The following NIN variants were observed in gnomAD, a reference collection of about 807,000 sequenced individuals.
NIN encodes glycogen synthase kinase 3 beta-interacting protein.
NIN carries 137 observed loss-of-function variants against 257.6 expected under a neutral mutation model. The ratio of observed to expected loss-of-function variants is 0.53; its 90% CI spans 0.46 to 0.61. NIN has a LOEUF of 0.61. Ranked by LOEUF, NIN falls within the 20% of genes least tolerant of loss-of-function variation. The pLI is 0.00. For synonymous variants in NIN, 918 were observed against 919.8 expected, an observed-to-expected ratio of 1.00 and a Z score of 0.04; for missense variants, 2,439 against 2,501.2, an observed-to-expected ratio of 0.98 and a Z score of 0.53.
chr14:50,808,029 T>G (rs911630792), intron 3 of NIN, among the ~76,000 whole-genome samples: 1 of 152,182 alleles, frequency 6.6e-6, no homozygotes, highest in South Asian at 2.1e-4. Flanking sequence ...GTGAAATAAT[T>G]ATCACATTCA....
At chr14:50,796,090 C>A (rs2043825812) in intron 4 of NIN, among the ~76,000 whole-genome samples, 4 of 152,226 alleles carry the variant, frequency 2.6e-5, no homozygotes, top group African/African-American at 9.6e-5. Flanking sequence ...ATTTATGATT[C>A]TCCCTGGATT....
Position 50,735,578 on chromosome 14 carries a change from T to C in NIN, c.5815A>G (p.Ile1939Val). Residue 1939 changes from isoleucine to valine, a missense_variant, in exon 28 of 31, where the codon ATT (isoleucine) becomes GTT (valine). This residue lies in a region of NIN where 2,043 missense variants were observed against 2,050.2 expected (regional missense o/e 1.00). Transcript: ENST00000530997. ...TTCAGGCCTTCATTTTCCAAATGAA[T>C]TGTTTCTAATTCTTGTTCAAGGGAA... The part of the protein sequence containing the change: ...MNSLEQELET[I>V]HLENEGLKKK... 6.2e-7 allele frequency: 1 copy of C among 1,612,702 alleles called. No individual in the cohort carries two copies. Among genetic ancestry groups the C allele is most frequent in the Admixed American group, 1.7e-5 (1 of 60,030 alleles).
intron 3 of NIN, among the ~76,000 whole-genome samples, chr14:50,808,697 G>C (rs139088592): frequency 6.6e-6 from 1 of 152,166 alleles, no homozygotes; most frequent in African/African-American, 2.4e-5. Flanking sequence ...CCTGTGCCAC[G>C]ATGCTCATAG....
chr14:50,761,402 GAAGTCTGGACTGGAAAC>G (rs1475433226), intron 16 of NIN, among the ~76,000 whole-genome samples: 38 of 152,212 alleles, frequency 2.5e-4, no homozygotes, highest in Non-Finnish European at 2.9e-5. Context: ...ACGGTCAGTT[GAAGTCTGGACTGGAAAC>G]GTCAGTTGAA....
rs746268764 is a variant in NIN, at chr14:50,727,674, A to G, written c.6079-1608T>C. ...TCTGCCATGGTAAGAAATGCCATCA[A>G]TAGCAGCCCAGTTTTCACAGGTGCC... On this transcript the variant is annotated intron_variant, in intron 29 of 30. Coordinates refer to ENST00000530997, the MANE Select transcript of NIN (RefSeq NM_020921.4). 3.5e-6 allele frequency: 5 copies of G among 1,441,728 alleles called. No individual in the cohort carries two copies. The South Asian group carries it at 4.5e-5, about 13-fold the overall frequency. The allele number at this position is 1,441,728 out of a possible 1,614,324, so 89.3% of individuals were successfully genotyped here. A position where few individuals can be genotyped will look rare whatever the true frequency, so the allele number is the denominator to read the frequency against.
chr14:50,723,740 C>A, intron 30 of NIN, 68 bp from the exon 31 acceptor site: 1 of 1,337,418 alleles, frequency 7.5e-7, no homozygotes, highest in Admixed American at 1.8e-5. Flanking sequence ...AGTTTAAGGT[C>A]TGACATAAGG....
intron 28 of NIN, among the ~76,000 whole-genome samples, chr14:50,733,224 C>T (rs1046952057): frequency 6.6e-6 from 1 of 152,130 alleles, no homozygotes; most frequent in Admixed American, 6.6e-5. Flanking sequence ...TCCTGAGTAG[C>T]TGGGATTACA....
chr14:50,733,800 C>A (rs1404829618), intron 28 of NIN, among the ~76,000 whole-genome samples: 1 of 152,136 alleles, frequency 6.6e-6, no homozygotes, highest in African/African-American at 2.4e-5. Flanking sequence ...CATCTAAGTA[C>A]AGCCCACAGC....
intron 2 of NIN, among the ~76,000 whole-genome samples, chr14:50,828,085 G>A (rs1440454423): frequency 1.4e-5 from 2 of 144,382 alleles, no homozygotes; most frequent in African/African-American, 2.6e-5. Flanking sequence ...GCAGAAAACA[G>A]AGCTGCATGT....
intron 13 of NIN, 144 bp from the exon 14 acceptor site, chr14:50,766,540 G>A: frequency 1.4e-6 from 1 of 733,226 alleles, no homozygotes. Flanking sequence ...CACCAACTGG[G>A]TGATGGGGAG....
intron 21 of NIN, 111 bp downstream of exon 21, chr14:50,752,407 C>T (rs1013519397): frequency 2.6e-6 from 2 of 781,788 alleles, no homozygotes; most frequent in East Asian, 5.0e-5. Flanking sequence ...TGTGCCAGGA[C>T]CATACTGTTT....
At chr14:50,734,833 C>T (rs1420533737) in intron 28 of NIN, among the ~76,000 whole-genome samples, 2 of 151,478 alleles carry the variant, frequency 1.3e-5, no homozygotes, top group Non-Finnish European at 2.9e-5. Context: ...CGTGCCACCA[C>T]ACCTGGCTAA....
At chr14:50,754,497 T>A in intron 20 of NIN, 66 bp downstream of exon 20, 1 of 1,322,686 alleles carries the variant, frequency 7.6e-7, no homozygotes, top group Non-Finnish European at 1.1e-6. Context: ...TGTAAATTTA[T>A]AAATTTCAAA....
intron 5 of NIN, among the ~76,000 whole-genome samples, chr14:50,785,212 G>C (rs1466526924): frequency 6.6e-6 from 1 of 152,278 alleles, no homozygotes; most frequent in Non-Finnish European, 1.5e-5. Context: ...GGACTGCAGA[G>C]CAGATGGCCA....
chr14:50,737,812 T>C (rs1289286730), intron 27 of NIN, among the ~76,000 whole-genome samples: 1 of 151,974 alleles, frequency 6.6e-6, no homozygotes, highest in East Asian at 1.9e-4. Flanking sequence ...GCCTGGCTAA[T>C]TTTTGTGTTT....
Position 50,722,494 on chromosome 14 carries a change from G to C in NIN, c.*969C>G, listed in dbSNP as rs1222626972. The C allele has an allele frequency of 4.8e-6, 1 of 210,014 alleles. No homozygotes were observed. The highest frequency in any genetic ancestry group is 2.3e-5 in the African/African-American group (1 of 44,028). The allele number at this position is 210,014 out of a possible 1,614,324, so 13.0% of individuals were successfully genotyped here. ...TAAGACAAATAAATGAGGTCACATGGTTTATACATTTCAAATTCTTAGAGA... is the reference window on the plus strand; with the variant it reads ...TAAGACAAATAAATGAGGTCACATGCTTTATACATTTCAAATTCTTAGAGA... On this transcript the variant is annotated 3_prime_UTR_variant, in exon 31 of 31. Coordinates refer to ENST00000530997, the MANE Select transcript of NIN (RefSeq NM_020921.4).
chr14:50,777,497 T>A (rs2042968647), intron 6 of NIN, among the ~76,000 whole-genome samples: 1 of 152,258 alleles, frequency 6.6e-6, no homozygotes. Context: ...TCGAGAACTC[T>A]GTAAGCTCTA....
chr14:50,758,507 G>C lies in NIN; in HGVS notation c.2523C>G (p.Arg841=). ...GTTCCTGGAGGTCCTTCAGCTCTTGGCGGTAGCGCCCCTCCAGGCTTTGCA... is the reference window on the plus strand; with the variant it reads ...GTTCCTGGAGGTCCTTCAGCTCTTGCCGGTAGCGCCCCTCCAGGCTTTGCA... ...SALQSLEGRY[R]QELKDLQEQQ... The change falls in exon 18 of 31, where the codon CGC becomes CGG. Residue 841 remains arginine, a synonymous_variant. Transcript: ENST00000530997. 6.2e-7 allele frequency: 1 copy of C among 1,614,192 alleles called. No individual in the cohort carries two copies. The highest frequency in any genetic ancestry group is 8.5e-7 in the Non-Finnish European group (1 of 1,180,032).
At chr14:50,773,369 G>A (rs2042804749) in intron 7 of NIN, among the ~76,000 whole-genome samples, 1 of 152,034 alleles carries the variant, frequency 6.6e-6, no homozygotes, top group African/African-American at 2.4e-5. Context: ...TCCTACAATA[G>A]GCAGTCTTTA....
Sources: allele counts gnomAD v4.1 joint callset (sites outside exome capture counted in the v4.1 genomes callset), GRCh38; gene constraint gnomAD v4.1.1; regional missense constraint gnomAD v4.1.1; transcripts MANE v1.5; gene names NCBI Gene and HGNC (gene_info 2026-07-23, HGNC 2026-07-21).